The following CNBD1 variants were observed in gnomAD, a reference collection of about 807,000 sequenced individuals.
CNBD1 encodes the protein cyclic nucleotide-binding domain-containing protein 1.
Under a neutral mutation model 54.4 loss-of-function variants are expected in CNBD1, and 71 were observed. That is an observed-to-expected ratio of 1.30 (90% CI 1.08 to 1.59). The LOEUF (loss-of-function observed/expected upper bound fraction) is 1.59, where lower values mean the gene tolerates loss of function less well. CNBD1 is among the 40% of genes most tolerant of loss of function. CNBD1 has a pLI of 0.00. For missense variants in CNBD1, 659 were observed against 518.0 expected (o/e 1.27, Z -2.64); for synonymous variants, 182 against 170.7 (o/e 1.07, Z -0.51).
At chr8:86,919,881 G>T (rs4269562) in intron 3 of CNBD1, among the ~76,000 whole-genome samples, 3 of 151,770 alleles carry the variant, frequency 2.0e-5, no homozygotes, top group African/African-American at 7.3e-5. Context: ...CAATTCAGAG[G>T]GTCTTGAGTG....
intron 1 of CNBD1, among the ~76,000 whole-genome samples, chr8:86,867,106 A>T (rs915090607): frequency 5.9e-5 from 9 of 152,204 alleles, no homozygotes; most frequent in Non-Finnish European, 8.8e-5. Context: ...AGAATTAAGT[A>T]TAGAACTAGA....
intron 4 of CNBD1, among the ~76,000 whole-genome samples, chr8:87,179,377 A>G (rs1813264109): frequency 6.6e-6 from 1 of 152,186 alleles, no homozygotes; most frequent in Admixed American, 6.5e-5. Flanking sequence ...TTATGACTTT[A>G]AAGAATTATC....
intron 2 of CNBD1, among the ~76,000 whole-genome samples, chr8:86,895,829 G>A (rs79939545): frequency 1.3e-5 from 2 of 152,198 alleles, no homozygotes; most frequent in Admixed American, 1.3e-4. Flanking sequence ...GTTCTTTGTA[G>A]ATTTTGGATG....
intron 3 of CNBD1, among the ~76,000 whole-genome samples, chr8:86,932,947 A>G (rs1276131171): frequency 6.6e-6 from 1 of 152,144 alleles, no homozygotes; most frequent in Admixed American, 6.5e-5. Flanking sequence ...TAGATCACAA[A>G]GAGGACCAAG....
intron 4 of CNBD1, among the ~76,000 whole-genome samples, chr8:86,999,011 C>A (rs1808938257): frequency 6.6e-6 from 1 of 152,198 alleles, no homozygotes; most frequent in Non-Finnish European, 1.5e-5. Context: ...TCTATGTGGA[C>A]TTTGGTCAAT....
rs1442998248 is a variant in CNBD1 at position 87,378,660 on chromosome 8, C to G, written c.1304-3960C>G. On this transcript the variant is annotated intron_variant, in intron 10 of 10. Transcript: ENST00000518476. ...AGGCTCTTTTTTGGTTCCATATGAA[C>G]TTTAAAGTAGTTTTTTCCAATTCTG... Among the ~76,000 whole-genome samples, 3 of 150,050 alleles carry G rather than the reference C, an allele frequency of 2.0e-5. No individual in the cohort carries two copies. The East Asian group carries it at 5.8e-4, about 29-fold the overall frequency.
intron 8 of CNBD1, among the ~76,000 whole-genome samples, chr8:87,297,936 C>A (rs893174897): frequency 2.3e-4 from 35 of 151,362 alleles, no homozygotes; most frequent in African/African-American, 7.7e-4. Flanking sequence ...ATTCTATATT[C>A]TATATATTCT....
chr8:87,370,342 C>A (rs142055475), intron 10 of CNBD1, among the ~76,000 whole-genome samples: 5,235 of 152,238 alleles, frequency 0.034, 285 homozygotes, highest in African/African-American at 0.12. Flanking sequence ...ACAGTCCCAT[C>A]AACAGTGTAA....
At chr8:87,339,874 A>G (rs1810029894) in intron 8 of CNBD1, among the ~76,000 whole-genome samples, 1 of 152,066 alleles carries the variant, frequency 6.6e-6, no homozygotes, top group African/African-American at 2.4e-5. Flanking sequence ...TATAATTTTT[A>G]TTCATTTTGC....
In CNBD1 at chr8:87,183,322, G is replaced by A. The variant is rs928522108; in HGVS notation, c.432-22671G>A. On this transcript the variant is annotated intron_variant, in intron 4 of 10. Transcript: ENST00000518476. The stretch of plus-strand genomic sequence containing the variant: ...CTGTAGGCTTGTAGTTTGAAATCAG[G>A]TAGTGTGATACCTTCAGCTTTGTTT... 2.0e-5 allele frequency among the ~76,000 whole-genome samples: 3 copies of A among 150,660 alleles called. No individual in the cohort carries two copies. The South Asian group carries it at 6.3e-4, about 31-fold the overall frequency.
At chr8:87,164,735 C>A (rs1035785015) in intron 4 of CNBD1, among the ~76,000 whole-genome samples, 7 of 151,538 alleles carry the variant, frequency 4.6e-5, no homozygotes, top group African/African-American at 7.3e-5. Context: ...AAATCTCCTA[C>A]TTTCATTGCT....
At chr8:87,234,205 G>C (rs1807525718) in intron 5 of CNBD1, among the ~76,000 whole-genome samples, 1 of 152,092 alleles carries the variant, frequency 6.6e-6, no homozygotes, top group African/African-American at 2.4e-5. Context: ...AGTCATCCTT[G>C]AGGGTTGGAA....
chr8:87,031,735 C>T (rs999225385), intron 4 of CNBD1, among the ~76,000 whole-genome samples: 5 of 151,930 alleles, frequency 3.3e-5, no homozygotes, highest in Non-Finnish European at 7.4e-5. Context: ...CCTTCCTTTA[C>T]GTTCTTATCA....
intron 3 of CNBD1, among the ~76,000 whole-genome samples, chr8:86,930,814 T>C (rs1563826107): frequency 1.3e-5 from 2 of 152,216 alleles, no homozygotes; most frequent in Non-Finnish European, 2.9e-5. Context: ...CCTTGAACTT[T>C]TAAATGTTTA....
At chr8:86,957,238 T>G (rs1807800497) in intron 4 of CNBD1, among the ~76,000 whole-genome samples, 1 of 152,238 alleles carries the variant, frequency 6.6e-6, no homozygotes, top group Non-Finnish European at 1.5e-5. Context: ...GCCAGTATTT[T>G]ACTGAAGATT....
At chr8:86,992,548 GT>G (rs201883465) in intron 4 of CNBD1, among the ~76,000 whole-genome samples, 3 of 151,224 alleles carry the variant, frequency 2.0e-5, no homozygotes, top group East Asian at 2.0e-4. Flanking sequence ...TGATTGTGTA[GT>G]TTTTTTTTAA....
intron 2 of CNBD1, among the ~76,000 whole-genome samples, chr8:86,898,249 A>G (rs1808877631): frequency 6.6e-6 from 1 of 152,194 alleles, no homozygotes; most frequent in African/African-American, 2.4e-5. Flanking sequence ...CTGATTTAAC[A>G]TGGGTTTTCT....
chr8:87,036,883 C>T (rs1180534428), intron 4 of CNBD1, among the ~76,000 whole-genome samples: 2 of 152,148 alleles, frequency 1.3e-5, no homozygotes, highest in African/African-American at 2.4e-5. Context: ...GCCTGTTACA[C>T]AGCTGTCATC....
chr8:87,358,239 C>G (rs1260783433), intron 10 of CNBD1, among the ~76,000 whole-genome samples: 2 of 152,124 alleles, frequency 1.3e-5, no homozygotes, highest in African/African-American at 4.8e-5. Flanking sequence ...GTTACCAATA[C>G]TTGCATAACA....
Sources: allele counts gnomAD v4.1 joint callset (sites outside exome capture counted in the v4.1 genomes callset), GRCh38; gene constraint gnomAD v4.1.1; transcripts MANE v1.5; gene names NCBI Gene and HGNC (gene_info 2026-07-23, HGNC 2026-07-21).